HMCN1: variants seen among roughly 807,000 people sequenced by gnomAD.
HMCN1 encodes the protein hemicentin 1, also known as hemicentin-1.
Under a neutral mutation model 625.9 loss-of-function variants are expected in HMCN1, and 321 were observed. That is an observed-to-expected ratio of 0.51 (90% CI 0.47 to 0.56). The LOEUF (loss-of-function observed/expected upper bound fraction) is 0.56, where lower values mean the gene tolerates loss of function less well. Among genes scored for constraint, HMCN1 ranks in the 20% least tolerant of loss-of-function variants. The pLI, the probability that HMCN1 is intolerant of heterozygous loss-of-function variation, is 0.00. For missense variants in HMCN1, 6,588 were observed against 6,887.3 expected (o/e 0.96, Z 1.54); for synonymous variants, 2,425 against 2,417.6 (o/e 1.00, Z -0.09).
chr1:185,976,889 A>G (rs1205651450), intron 15 of HMCN1, among the ~76,000 whole-genome samples: 1 of 152,100 alleles, frequency 6.6e-6, no homozygotes, highest in African/African-American at 2.4e-5. Context: ...GGTTTCATCC[A>G]TTGCCTCCAA....
chr1:185,976,061 A>G (rs148334309), intron 15 of HMCN1, among the ~76,000 whole-genome samples: 9 of 152,332 alleles, frequency 5.9e-5, no homozygotes, highest in Admixed American at 1.3e-4. Flanking sequence ...TCTAGGAAAT[A>G]AAAAACAAAT....
In HMCN1 at chr1:186,078,239, T is replaced by G; in HGVS notation, c.8599+19T>G. The G allele has an allele frequency of 6.5e-7, 1 of 1,531,898 alleles. No homozygotes were observed. The highest frequency in any genetic ancestry group is 9.0e-7 in the Non-Finnish European group (1 of 1,106,968). The allele number at this position is 1,531,898 out of a possible 1,614,324, so 94.9% of individuals were successfully genotyped here. On this transcript the variant is annotated intron_variant, in intron 55 of 106. Coordinates refer to ENST00000271588, the MANE Select transcript of HMCN1 (RefSeq NM_031935.3). ...GTACTCGGTGAGTTTTTCTTTTGTT[T>G]ATTGTTCATTCTTTTACTGAAAAGT...
chr1:185,911,656 T>C lies in HMCN1; in HGVS notation c.794-18T>C, dbSNP rs1666427096. ...GAGAGAAGGATTGTGCTTGTTACCTTTATGTTCTGTCTTTCAGGGAAGCTG... is the reference window on the plus strand; with the variant it reads ...GAGAGAAGGATTGTGCTTGTTACCTCTATGTTCTGTCTTTCAGGGAAGCTG... On this transcript the variant is annotated intron_variant, in intron 5 of 106. Coordinates refer to ENST00000271588, the MANE Select transcript of HMCN1 (RefSeq NM_031935.3). 1 of 1,540,746 alleles carries C rather than the reference T, an allele frequency of 6.5e-7. No homozygotes were observed. The highest frequency in any genetic ancestry group is 1.1e-5 in the South Asian group (1 of 89,638).
chr1:186,087,319 T>C lies in HMCN1; in HGVS notation c.9149T>C (p.Leu3050Pro). Residue 3050 changes from leucine (L) to proline (P), a missense_variant, in exon 59 of 107, where the codon CTG (leucine) becomes CCG (proline). Physicochemically the swap from Leu to Pro is moderately conservative, Grantham distance 98. This residue lies in a region of HMCN1 where 4,628 missense variants were observed against 4,853.1 expected (regional missense o/e 0.95). Transcript: ENST00000271588. ...QAGESKKKFSLTVYVPPSIKD... is the reference protein window; with the variant it reads ...QAGESKKKFSPTVYVPPSIKD... ...GGCGAAAGCAAGAAAAAGTTTTCCC[T>C]GACTGTTTATGGTTCGTTTTTACTC... 6.2e-7 allele frequency: 1 copy of C among 1,612,046 alleles called. No individual in the cohort carries two copies. Among genetic ancestry groups the C allele is most frequent in the African/African-American group, 1.3e-5 (1 of 74,982 alleles).
intron 97 of HMCN1, among the ~76,000 whole-genome samples, chr1:186,154,813 C>T (rs567132947): frequency 6.6e-5 from 10 of 152,114 alleles, no homozygotes; most frequent in Non-Finnish European, 1.5e-4. Flanking sequence ...TTCTGCAACC[C>T]TTGATCTAAG....
intron 15 of HMCN1, among the ~76,000 whole-genome samples, chr1:185,972,909 G>A (rs1276000362): frequency 6.6e-6 from 1 of 152,022 alleles, no homozygotes; most frequent in Non-Finnish European, 1.5e-5. Flanking sequence ...TCACACTATT[G>A]TTACATATTC....
At chr1:185,983,143 G>A (rs1468142593) in intron 18 of HMCN1, among the ~76,000 whole-genome samples, 4 of 151,840 alleles carry the variant, frequency 2.6e-5, no homozygotes, top group Non-Finnish European at 5.9e-5. Context: ...TAAAAATGTA[G>A]ATATATATTG....
chr1:185,925,045 A>G lies in HMCN1; in HGVS notation c.1286-2A>G. Reference sequence around the variant, plus strand: ...TGTTTTTGTTTTTGTTTTTTTTCCTAGATGCTCCCAAAGTTACGATGCCTG... The same window carrying G: ...TGTTTTTGTTTTTGTTTTTTTTCCTGGATGCTCCCAAAGTTACGATGCCTG... On this transcript the variant is annotated splice_acceptor_variant, in intron 8 of 106. Transcript: ENST00000271588. LOFTEE classifies it high-confidence loss of function. 1.2e-6 allele frequency: 2 copies of G among 1,607,098 alleles called. No individual in the cohort carries two copies. The highest frequency in any genetic ancestry group is 1.7e-6 in the Non-Finnish European group (2 of 1,175,986).
In HMCN1 at chr1:185,841,165, C is replaced by A. The variant is rs1661453826; in HGVS notation, c.269-4861C>A. Among the ~76,000 whole-genome samples the A allele has an allele frequency of 2.0e-5, 3 of 151,988 alleles. No homozygotes were observed. In the South Asian group the frequency reaches 6.2e-4, roughly 32 times the overall value. On this transcript the variant is annotated intron_variant, in intron 1 of 106. Transcript: ENST00000271588. ...TTGAGATGCTGGAAATAAATCCAAC[C>A]CATCTGATAAATCACTAGGAAATGG...
At chr1:186,121,848 AG>A (rs1661413339) in intron 80 of HMCN1, among the ~76,000 whole-genome samples, 1 of 152,166 alleles carries the variant, frequency 6.6e-6, no homozygotes, top group South Asian at 2.1e-4. Flanking sequence ...CATTGTTTCA[AG>A]GTCTGAGAAA....
rs1655946386 is a variant in HMCN1 at position 186,037,978 on chromosome 1, G to A, written c.5794G>A (p.Val1932Met). ...EDAGKMLNET[V>M]LVSNPVQLEC... ...TGCTGGAAAAATGCTGAATGAGACT[G>A]TGTTGGTGAGCAACCCTGTACAGCT... is the stretch of plus-strand genomic sequence containing the variant. The change falls in exon 37 of 107, where the codon GTG becomes ATG. Residue 1932 changes from valine (V) to methionine (M), a missense_variant. Physicochemically the swap from Val to Met is conservative, Grantham distance 21 (BLOSUM62 1). Around this residue, in one of 3 missense-constraint regions of HMCN1, gnomAD observed 4,628 missense variants for 4,853.1 expected, o/e 0.95. Coordinates refer to ENST00000271588, the MANE Select transcript of HMCN1 (RefSeq NM_031935.3). 1 of 1,613,472 alleles carries A rather than the reference G, an allele frequency of 6.2e-7. No homozygotes were observed. Among genetic ancestry groups the A allele is most frequent in the Non-Finnish European group, 8.5e-7 (1 of 1,179,568 alleles).
chr1:185,979,821 C>T (rs1278735071), intron 16 of HMCN1, among the ~76,000 whole-genome samples: 1 of 152,084 alleles, frequency 6.6e-6, no homozygotes. Flanking sequence ...TTTCTCTGTT[C>T]AAATCTTATC....
chr1:185,998,565 C>T (rs16824840), intron 25 of HMCN1, among the ~76,000 whole-genome samples: 3,838 of 152,058 alleles, frequency 0.025, 174 homozygotes, highest in African/African-American at 0.088. Flanking sequence ...GTGTTCACTC[C>T]CACTGGACCC....
intron 91 of HMCN1, among the ~76,000 whole-genome samples, chr1:186,144,960 A>T (rs1039562517): frequency 1.3e-5 from 2 of 152,212 alleles, no homozygotes; most frequent in Non-Finnish European, 2.9e-5. Context: ...CCTGCATGCT[A>T]ACTCTTCATG....
chr1:186,181,806 A>G (rs575811387), intron 104 of HMCN1, among the ~76,000 whole-genome samples: 4 of 152,212 alleles, frequency 2.6e-5, no homozygotes, highest in African/African-American at 9.6e-5. Flanking sequence ...AATTTCTACT[A>G]TTCCTTAAAG....
At chr1:185,851,993 T>G (rs1662191030) in intron 2 of HMCN1, among the ~76,000 whole-genome samples, 1 of 152,012 alleles carries the variant, frequency 6.6e-6, no homozygotes, top group African/African-American at 2.4e-5. Flanking sequence ...GGAATATGAT[T>G]AAAAATATCT....
At chr1:185,939,604 G>GA in intron 11 of HMCN1, among the ~76,000 whole-genome samples, 1 of 152,052 alleles carries the variant, frequency 6.6e-6, no homozygotes, top group Non-Finnish European at 1.5e-5. Flanking sequence ...TTCTGTACTT[G>GA]AAAAATTACT....
chr1:185,887,640 T>C lies in HMCN1; in HGVS notation c.622-21697T>C, dbSNP rs575265811. Among the ~76,000 whole-genome samples the C allele has an allele frequency of 7.3e-3, 1,080 of 148,400 alleles. 17 individuals are homozygous for C. Among genetic ancestry groups the C allele is most frequent in the African/African-American group, 0.025 (970 of 38,456 alleles). On this transcript the variant is annotated intron_variant, in intron 4 of 106. Coordinates refer to ENST00000271588, the MANE Select transcript of HMCN1 (RefSeq NM_031935.3). ...TGTCCCTACAAAGGACATGAACTCA[T>C]CATTTTTTATGACTGCATAGTATTC...
At chr1:185,937,424 T>G (rs1041863753) in intron 11 of HMCN1, among the ~76,000 whole-genome samples, 7 of 152,132 alleles carry the variant, frequency 4.6e-5, no homozygotes, top group Non-Finnish European at 1.0e-4. Flanking sequence ...GCTTTTTTTA[T>G]AAGGGTATTA....
Sources: allele counts gnomAD v4.1 joint callset (sites outside exome capture counted in the v4.1 genomes callset), GRCh38; gene constraint gnomAD v4.1.1; regional missense constraint gnomAD v4.1.1; transcripts MANE v1.5; gene names NCBI Gene and HGNC (gene_info 2026-07-23, HGNC 2026-07-21).